The following CEP112 variants were observed in gnomAD, a reference collection of about 807,000 sequenced individuals.
CEP112 encodes centrosomal protein 112.
In CEP112, 127 loss-of-function variants were observed where a neutral mutation model predicts 153.0. The ratio of observed to expected loss-of-function variants is 0.83; its 90% CI spans 0.72 to 0.96. The LOEUF (loss-of-function observed/expected upper bound fraction) is 0.96, where lower values mean the gene tolerates loss of function less well. Ranked by LOEUF, CEP112 falls within the 40% of genes least tolerant of loss-of-function variation. CEP112 has a pLI of 0.00. For missense variants in CEP112, 1,089 were observed against 1,101.2 expected (o/e 0.99, Z 0.16); for synonymous variants, 358 against 374.4 (o/e 0.96, Z 0.51).
In CEP112 at chr17:65,955,946, A is replaced by G. The variant is rs138325701; in HGVS notation, c.1872+5517T>C. Among the ~76,000 whole-genome samples, 499 of 152,316 alleles carry G rather than the reference A, an allele frequency of 3.3e-3. 3 individuals carry two copies. Among genetic ancestry groups the G allele is most frequent in the African/African-American group, 0.012 (481 of 41,588 alleles). ...ACTGACAGCACTACACAGGTCATCA[A>G]GACAGAAAGTCAACAAGAACAATGA... On this transcript the variant is annotated intron_variant, in intron 18 of 26. Transcript: ENST00000535342.
At chr17:65,638,116 C>G (rs572311206) in intron 25 of CEP112, among the ~76,000 whole-genome samples, 2 of 152,334 alleles carry the variant, frequency 1.3e-5, no homozygotes, top group African/African-American at 4.8e-5. Context: ...TAGAAACCGC[C>G]TAGTGCAGAG....
At chr17:66,004,618 T>C (rs2064196135) in intron 17 of CEP112, among the ~76,000 whole-genome samples, 1 of 152,206 alleles carries the variant, frequency 6.6e-6, no homozygotes, top group Non-Finnish European at 1.5e-5. Flanking sequence ...AGTCCCTCTG[T>C]AGATAAAAAT....
chr17:66,076,598 CA>C (rs1159686013), intron 8 of CEP112, among the ~76,000 whole-genome samples: 1 of 152,150 alleles, frequency 6.6e-6, no homozygotes, highest in East Asian at 1.9e-4. Flanking sequence ...GCCCTGCCCC[CA>C]CCTGCTGGGC....
chr17:65,674,857 A>G (rs1192939138), intron 24 of CEP112, among the ~76,000 whole-genome samples: 4 of 152,228 alleles, frequency 2.6e-5, no homozygotes, highest in Non-Finnish European at 5.9e-5. Context: ...ACATGCCAAG[A>G]GAAACAAAAG....
chr17:65,707,409 C>G (rs187292995), intron 23 of CEP112, among the ~76,000 whole-genome samples: 27 of 152,256 alleles, frequency 1.8e-4, no homozygotes, highest in African/African-American at 6.3e-4. Flanking sequence ...GTCTCCATCT[C>G]CCTCCCATAC....
intron 12 of CEP112, among the ~76,000 whole-genome samples, chr17:66,033,815 G>C (rs762930429): frequency 1.3e-5 from 2 of 152,146 alleles, no homozygotes; most frequent in Non-Finnish European, 2.9e-5. Flanking sequence ...ATTTGCACTA[G>C]ATCTCCTGTT....
intron 4 of CEP112, among the ~76,000 whole-genome samples, chr17:66,142,354 G>A (rs2070738205): frequency 6.6e-6 from 1 of 152,072 alleles, no homozygotes; most frequent in South Asian, 2.1e-4. Flanking sequence ...TTTTTAAGTT[G>A]ATAAAATCCC....
At position 65,861,841 on chromosome 17, in the gene CEP112, C is replaced by T. The variant is rs181054888; in HGVS notation, c.2164-9807G>A. Among the ~76,000 whole-genome samples, 94 of 152,294 alleles carry T rather than the reference C, an allele frequency of 6.2e-4. 2 individuals are homozygous for T. Among genetic ancestry groups the T allele is most frequent in the South Asian group, 4.6e-3 (22 of 4,826 alleles). On this transcript the variant is annotated intron_variant, in intron 20 of 26. Transcript: ENST00000535342. ...ACTGTAAGTTAACTTGGCACTACCTCGGAAAGTTGGACACGTTCATAAGCT... is the reference window on the plus strand; with the variant it reads ...ACTGTAAGTTAACTTGGCACTACCTTGGAAAGTTGGACACGTTCATAAGCT...
At chr17:65,999,383 A>G (rs915658133) in intron 17 of CEP112, among the ~76,000 whole-genome samples, 17 of 152,012 alleles carry the variant, frequency 1.1e-4, no homozygotes, top group Middle Eastern at 3.4e-3. Context: ...TTGTATTTTT[A>G]GTGGATACGG....
At chr17:65,746,776 G>T (rs896582792) in intron 22 of CEP112, among the ~76,000 whole-genome samples, 1 of 152,098 alleles carries the variant, frequency 6.6e-6, no homozygotes, top group Non-Finnish European at 1.5e-5. Flanking sequence ...TAAGAAAAAT[G>T]AAAGCTAATA....
chr17:65,961,432 T>C (rs897098771), intron 18 of CEP112, 31 bp downstream of exon 18: 9 of 1,556,584 alleles, frequency 5.8e-6, no homozygotes, highest in Non-Finnish European at 7.9e-6. Context: ...GAGAGTGACT[T>C]TCAAAAGGGA....
chr17:65,685,709 G>T lies in CEP112; in HGVS notation c.2697+3420C>A, dbSNP rs548589604. Among the ~76,000 whole-genome samples the T allele has an allele frequency of 4.4e-5, 5 of 114,390 alleles. No homozygotes were observed. In the East Asian group the frequency reaches 1.3e-3, roughly 29 times the overall value. The allele number at this position is 114,390 out of a possible 152,430, so 75.0% of individuals were successfully genotyped here. ...TTTTTTTGAGATGGTGTCTTGCTCTGTCGCCCAGGCTGGAGTGCAATGGCA... is the reference window on the plus strand; with the variant it reads ...TTTTTTTGAGATGGTGTCTTGCTCTTTCGCCCAGGCTGGAGTGCAATGGCA... On this transcript the variant is annotated intron_variant, in intron 24 of 26. Transcript: ENST00000535342.
intron 21 of CEP112, among the ~76,000 whole-genome samples, chr17:65,844,883 G>A (rs530221532): frequency 3.6e-4 from 54 of 150,836 alleles, no homozygotes; most frequent in African/African-American, 6.6e-4. Flanking sequence ...GCATGGTGGC[G>A]CCCATCTCTA....
At chr17:66,043,984 T>G (rs1051911769) in intron 12 of CEP112, among the ~76,000 whole-genome samples, 1 of 152,212 alleles carries the variant, frequency 6.6e-6, no homozygotes, top group Non-Finnish European at 1.5e-5. Flanking sequence ...AAGACCTGTC[T>G]ACTTTTGACG....
intron 24 of CEP112, among the ~76,000 whole-genome samples, chr17:65,663,211 G>A (rs1403046681): frequency 6.6e-6 from 1 of 152,128 alleles, no homozygotes; most frequent in Non-Finnish European, 1.5e-5. Flanking sequence ...GTGAAACCAA[G>A]TCCCTGTACT....
intron 17 of CEP112, among the ~76,000 whole-genome samples, chr17:65,997,087 T>G (rs1263248304): frequency 1.3e-5 from 2 of 152,104 alleles, no homozygotes; most frequent in African/African-American, 4.8e-5. Context: ...GGTGTGCACC[T>G]GTAGTCCCAG....
intron 17 of CEP112, among the ~76,000 whole-genome samples, chr17:65,969,517 G>C (rs1430010827): frequency 6.6e-6 from 1 of 151,980 alleles, no homozygotes; most frequent in East Asian, 1.9e-4. Context: ...TGCATTACTT[G>C]CATGTATATT....
intron 12 of CEP112, among the ~76,000 whole-genome samples, chr17:66,030,888 C>G (rs1039944716): frequency 6.6e-6 from 1 of 152,114 alleles, no homozygotes; most frequent in East Asian, 1.9e-4. Context: ...CTAAGAGAAC[C>G]ATTTTAAAGA....
At chr17:65,740,558 T>C (rs2051070103) in intron 23 of CEP112, among the ~76,000 whole-genome samples, 1 of 152,208 alleles carries the variant, frequency 6.6e-6, no homozygotes, top group African/African-American at 2.4e-5. Context: ...CTTTAATGAT[T>C]TATCTGAGGA....
Sources: gnomAD v4.1 joint callset for allele counts (sites outside exome capture counted in the v4.1 genomes callset) on GRCh38, gnomAD v4.1.1 for gene constraint, MANE v1.5 for transcripts, NCBI Gene and HGNC (gene_info 2026-07-23, HGNC 2026-07-21) for gene names.